The following DHTKD1 variants were observed in gnomAD, a reference collection of about 807,000 sequenced individuals.
DHTKD1 encodes 2-oxoadipate dehydrogenase complex component E1.
DHTKD1 carries 78 observed loss-of-function variants against 101.8 expected under a neutral mutation model. That is an observed-to-expected ratio of 0.77 (90% confidence interval 0.64 to 0.93). DHTKD1 has a LOEUF of 0.93. DHTKD1 is among the 40% of genes least tolerant of loss of function. DHTKD1 has a pLI of 0.00. For missense variants in DHTKD1, 1,223 were observed against 1,161.7 expected, an observed-to-expected ratio of 1.05 and a Z score of -0.77; for synonymous variants, 462 against 450.3, an observed-to-expected ratio of 1.03 and a Z score of -0.33.
chr10:12,069,222 CT>C lies in DHTKD1; in HGVS notation c.154+36del, dbSNP rs755745819. 1,036 of 1,376,072 alleles carry C rather than the reference CT, an allele frequency of 7.5e-4. 1 individual carries two copies. Among genetic ancestry groups the C allele is most frequent in the Non-Finnish European group, 9.0e-4 (941 of 1,046,694 alleles). 85.2% of individuals were successfully genotyped at this position (1,376,072 alleles called of 1,614,324 possible). On this transcript the variant is annotated intron_variant, in intron 1 of 16. Transcript: ENST00000263035. ...GGGGCCCGGGCGGTGGGAGCGGGGG[CT>C]GGGACGCAGAAGCCTCCCCTGGCCG...
At chr10:12,100,116 C>A in intron 8 of DHTKD1, 62 bp from the exon 9 acceptor site, 1 of 985,702 alleles carries the variant, frequency 1.0e-6, no homozygotes, top group Non-Finnish European at 1.5e-6. Context: ...TTTTTGTACT[C>A]ATTGTGAAAA....
chr10:12,079,474 C>T (rs1190349593), intron 1 of DHTKD1, among the ~76,000 whole-genome samples: 1 of 151,950 alleles, frequency 6.6e-6, no homozygotes, highest in African/African-American at 2.4e-5. Flanking sequence ...TCGAGACCAT[C>T]CTGGCCAACA....
intron 8 of DHTKD1, 94 bp downstream of exon 8, chr10:12,098,090 T>C (rs1346850488): frequency 8.5e-7 from 1 of 1,180,912 alleles, no homozygotes; most frequent in South Asian, 1.5e-5. Flanking sequence ...CTGATTCATT[T>C]GACAAATATT....
rs999193949 is a variant in DHTKD1, at chr10:12,107,343, T to C, written c.2048-566T>C. On this transcript the variant is annotated intron_variant, in intron 11 of 16. Transcript: ENST00000263035. The surrounding 1 kb of genome is among the most constrained non-coding windows in gnomAD (Gnocchi z 4.1). ...GCGGTGGTATTGGAGCGGCATGTGC[T>C]GTCCAGGAAGCTGGGAACGTTCCCC... 6.6e-6 allele frequency among the ~76,000 whole-genome samples: 1 copy of C among 151,836 alleles called. No homozygotes were observed. The highest frequency in any genetic ancestry group is 2.1e-4 in the South Asian group (1 of 4,812).
chr10:12,074,770 C>T (rs1481828453), intron 1 of DHTKD1, among the ~76,000 whole-genome samples: 1 of 151,920 alleles, frequency 6.6e-6, no homozygotes, highest in African/African-American at 2.4e-5. Context: ...CCTGGTGGCT[C>T]ATGCCTGTCA....
chr10:12,111,228 C>T (rs1456777996), intron 12 of DHTKD1, among the ~76,000 whole-genome samples: 1 of 152,128 alleles, frequency 6.6e-6, no homozygotes, highest in African/African-American at 2.4e-5. Context: ...TGCAATGCTG[C>T]AGTCTTGGCT....
In DHTKD1 at chr10:12,087,909, T is replaced by A. The variant is rs943977486; in HGVS notation, c.717+180T>A. 2.0e-5 allele frequency among the ~76,000 whole-genome samples: 3 copies of A among 150,544 alleles called. No individual in the cohort carries two copies. Among genetic ancestry groups the A allele is most frequent in the Admixed American group, 6.6e-5 (1 of 15,102 alleles). On this transcript the variant is annotated intron_variant, in intron 4 of 16. Transcript: ENST00000263035. This position sits in a 1 kb window ranked among gnomAD's most constrained non-coding sequence, Gnocchi z 5.2. ...GGAGGATGGCTTGAATCTAGGAGTT[T>A]GAGACCACCCTGTGGAACAAAGTGA...
At chr10:12,117,278 G>T (rs1722454) in intron 13 of DHTKD1, among the ~76,000 whole-genome samples, 1 of 147,954 alleles carries the variant, frequency 6.8e-6, no homozygotes. Flanking sequence ...CCAAAGTGCT[G>T]GGATTACAGG....
chr10:12,097,098 T>G (rs1361730557), intron 7 of DHTKD1, among the ~76,000 whole-genome samples: 1 of 152,144 alleles, frequency 6.6e-6, no homozygotes, highest in African/African-American at 2.4e-5. Context: ...TTATTTTGTT[T>G]CTGTTTTATA....
intron 7 of DHTKD1, among the ~76,000 whole-genome samples, chr10:12,094,483 G>C (rs1232602021): frequency 6.6e-6 from 1 of 152,134 alleles, no homozygotes; most frequent in Non-Finnish European, 1.5e-5. Flanking sequence ...TTACAGGCGT[G>C]TGCCACCGTG....
chr10:12,111,799 G>A (rs1410753001), intron 12 of DHTKD1, among the ~76,000 whole-genome samples: 2 of 152,124 alleles, frequency 1.3e-5, no homozygotes, highest in Non-Finnish European at 2.9e-5. Flanking sequence ...GGGAAAGAAG[G>A]AGAATGAGTG....
chr10:12,070,720 C>G lies in DHTKD1; in HGVS notation c.154+1533C>G, dbSNP rs183947178. Among the ~76,000 whole-genome samples, 14 of 152,272 alleles carry G rather than the reference C, an allele frequency of 9.2e-5. No individual in the cohort carries two copies. The East Asian group carries it at 2.7e-3, about 29-fold the overall frequency. On this transcript the variant is annotated intron_variant, in intron 1 of 16. Transcript: ENST00000263035. ...GCCAGGCTGGTCTTGAACTCCCGACCTGAAGTGATCCACTGGCCTTGGCCT... is the reference window on the plus strand; with the variant it reads ...GCCAGGCTGGTCTTGAACTCCCGACGTGAAGTGATCCACTGGCCTTGGCCT...
chr10:12,098,108 T>C (rs1833102772), intron 8 of DHTKD1, 112 bp downstream of exon 8: 1 of 1,008,166 alleles, frequency 9.9e-7, no homozygotes, highest in African/African-American at 1.6e-5. Context: ...ATTTATTGTG[T>C]GTCGTTAGGT....
intron 15 of DHTKD1, among the ~76,000 whole-genome samples, chr10:12,119,688 G>A (rs1390666104): frequency 4.0e-5 from 6 of 151,890 alleles, no homozygotes; most frequent in African/African-American, 9.7e-5. Flanking sequence ...TGGGGGAGGA[G>A]GGAGAGCATC....
Position 12,087,436 on chromosome 10 carries a change from G to GA in DHTKD1, c.523-98dup. ...AGTGGCATTGCTGTGGCCACTTGGGGAGTGTGGGGCCATCTCACAACACAC... is the reference window on the plus strand; with the variant it reads ...AGTGGCATTGCTGTGGCCACTTGGGGAAGTGTGGGGCCATCTCACAACACAC... On this transcript the variant is annotated intron_variant, in intron 3 of 16. Transcript: ENST00000263035. This position sits in a 1 kb window ranked among gnomAD's most constrained non-coding sequence, Gnocchi z 5.2. 1 of 970,878 alleles carries GA rather than the reference G, an allele frequency of 1.0e-6. No individual in the cohort carries two copies. The highest frequency in any genetic ancestry group is 1.5e-6 in the Non-Finnish European group (1 of 649,726). The allele number at this position is 970,878 out of a possible 1,614,324, so 60.1% of individuals were successfully genotyped here.
intron 10 of DHTKD1, among the ~76,000 whole-genome samples, chr10:12,102,422 C>CAAA (rs752816882): frequency 1.7e-4 from 11 of 64,780 alleles, no homozygotes; most frequent in African/African-American, 2.4e-4. Context: ...GACTCTGTCT[C>CAAA]AAAAAAAAAA....
At chr10:12,119,498 C>A (rs999231954) in intron 15 of DHTKD1, among the ~76,000 whole-genome samples, 2 of 150,832 alleles carry the variant, frequency 1.3e-5, no homozygotes, top group Admixed American at 6.6e-5. Flanking sequence ...CGCCTGTAGT[C>A]CCAGCTACTT....
rs766772195 is a variant in DHTKD1, at chr10:12,094,086, C to G, written c.1173C>G (p.Gly391=). 4 of 1,613,932 alleles carry G rather than the reference C, an allele frequency of 2.5e-6. No homozygotes were observed. Among genetic ancestry groups the G allele is most frequent in the Middle Eastern group, 1.7e-4 (1 of 6,010 alleles). The change falls in exon 7 of 17, where the codon GGC becomes GGG. Residue 391 remains glycine, a synonymous_variant. Coordinates refer to ENST00000263035, the MANE Select transcript of DHTKD1 (RefSeq NM_018706.7). ...TCTGTCCTTCAGGGAAGCTTGTGGGCTGTGCCATCATCCATGTCAATGGAG... is the reference window on the plus strand; with the variant it reads ...TCTGTCCTTCAGGGAAGCTTGTGGGGTGTGCCATCATCCATGTCAATGGAG... ...LYCSDIGKLV[G]CAIIHVNGDS... is the part of the protein sequence containing the mutation.
At chr10:12,100,320 C>G (rs1191744836) in intron 9 of DHTKD1, 58 bp downstream of exon 9, 1 of 310,174 alleles carries the variant, frequency 3.2e-6, no homozygotes. Flanking sequence ...CCCTGTCGCC[C>G]AGGCTGGAAT....
Sources: gnomAD v4.1 joint callset for allele counts (sites outside exome capture counted in the v4.1 genomes callset) on GRCh38, gnomAD v4.1.1 for gene constraint, Gnocchi (gnomAD v3.1) non-coding constraint, MANE v1.5 for transcripts, NCBI Gene and HGNC (gene_info 2026-07-23, HGNC 2026-07-21) for gene names.